Variants in EXOC6B observed in about 807,000 individuals in gnomAD.
EXOC6B encodes the protein exocyst complex component 6B, also known as SEC15 homolog B.
In EXOC6B, 54 loss-of-function variants were observed where a neutral mutation model predicts 113.5. That is an observed-to-expected ratio of 0.48 (90% CI 0.38 to 0.60). The LOEUF (loss-of-function observed/expected upper bound fraction) is 0.60, where lower values mean the gene tolerates loss of function less well. EXOC6B is among the 20% of genes least tolerant of loss of function. The probability of loss-of-function intolerance (pLI) is 0.00; values close to 1 mark genes in which losing one functional copy is unlikely to be tolerated. For synonymous variants in EXOC6B, 357 were observed against 339.0 expected (o/e 1.05, Z -0.58); for missense variants, 797 against 977.5 (o/e 0.82, Z 2.46).
At chr2:72,671,903 G>A (rs1473460689) in intron 6 of EXOC6B, among the ~76,000 whole-genome samples, 1 of 147,080 alleles carries the variant, frequency 6.8e-6, no homozygotes, top group East Asian at 2.0e-4. Context: ...AAAAGAAAGA[G>A]AAAGAAAGAA....
intron 6 of EXOC6B, among the ~76,000 whole-genome samples, chr2:72,684,775 T>G (rs77550933): frequency 0.049 from 7,431 of 152,056 alleles, 602 homozygotes; most frequent in African/African-American, 0.17. Context: ...TAATCTATAG[T>G]GGAAAAAATC....
intron 6 of EXOC6B, among the ~76,000 whole-genome samples, chr2:72,617,517 CTTTTTTTTTTTT>C (rs201912352): frequency 1.0e-5 from 1 of 96,954 alleles, no homozygotes. Context: ...AATCTTTTTT[CTTTTTTTTTTTT>C]TTTTTTTTTT....
At chr2:72,775,666 G>T (rs1025065801) in intron 1 of EXOC6B, among the ~76,000 whole-genome samples, 6 of 152,140 alleles carry the variant, frequency 3.9e-5, no homozygotes, top group African/African-American at 7.2e-5. Flanking sequence ...AATACCAAAA[G>T]GTTGTAACAT....
rs148446269 is a variant in EXOC6B, at chr2:72,762,627, G to A, written c.114-21158C>T. On this transcript the variant is annotated intron_variant, in intron 1 of 21. Coordinates refer to ENST00000272427, the MANE Select transcript of EXOC6B (RefSeq NM_015189.3). Reference sequence around the variant, plus strand: ...CAAAACCTTAGAAAATTTGTTGTCCGCAGACCCGCACTATAAAAACTGTTA... The same window carrying A: ...CAAAACCTTAGAAAATTTGTTGTCCACAGACCCGCACTATAAAAACTGTTA... 2.0e-4 allele frequency among the ~76,000 whole-genome samples: 31 copies of A among 151,976 alleles called. No homozygotes were observed. The East Asian group carries it at 4.8e-3, about 24-fold the overall frequency.
chr2:72,695,197 GAC>G (rs1222410195), intron 6 of EXOC6B, among the ~76,000 whole-genome samples: 2 of 152,166 alleles, frequency 1.3e-5, no homozygotes, highest in Admixed American at 6.5e-5. Context: ...TAGTCACCAA[GAC>G]ACAGCTATAA....
At chr2:72,428,544 C>G (rs559755239) in intron 18 of EXOC6B, among the ~76,000 whole-genome samples, 1 of 152,310 alleles carries the variant, frequency 6.6e-6, no homozygotes, top group South Asian at 2.1e-4. Context: ...CATGCTCGCT[C>G]ATACACTCCT....
At chr2:72,773,120 CTTTTTT>C (rs1254377634) in intron 1 of EXOC6B, among the ~76,000 whole-genome samples, 1 of 94,906 alleles carries the variant, frequency 1.1e-5, no homozygotes, top group African/African-American at 4.7e-5. Flanking sequence ...CTTAGATTTT[CTTTTTT>C]TTTTTTTTTT....
chr2:72,224,372 TA>T (rs1681065408), intron 20 of EXOC6B, among the ~76,000 whole-genome samples: 2 of 152,284 alleles, frequency 1.3e-5, no homozygotes, highest in South Asian at 4.1e-4. Context: ...ATTTCACTCA[TA>T]AACATTTACC....
intron 19 of EXOC6B, among the ~76,000 whole-genome samples, chr2:72,369,202 G>A (rs1487123262): frequency 3.9e-5 from 6 of 152,254 alleles, no homozygotes; most frequent in Admixed American, 6.5e-5. Flanking sequence ...AAAATCACAA[G>A]CATTCTTATA....
At chr2:72,789,211 A>G (rs1230186641) in intron 1 of EXOC6B, among the ~76,000 whole-genome samples, 2 of 152,232 alleles carry the variant, frequency 1.3e-5, no homozygotes, top group Admixed American at 1.3e-4. Flanking sequence ...CAAAGGAACT[A>G]AGACTTTTGT....
intron 18 of EXOC6B, among the ~76,000 whole-genome samples, chr2:72,406,190 C>T (rs1693746696): frequency 6.6e-6 from 1 of 152,144 alleles, no homozygotes; most frequent in Admixed American, 6.6e-5. Flanking sequence ...CAGGAGCACC[C>T]AGATTCATAA....
intron 6 of EXOC6B, among the ~76,000 whole-genome samples, chr2:72,609,241 C>T (rs1670921806): frequency 6.6e-6 from 1 of 152,042 alleles, no homozygotes; most frequent in Middle Eastern, 3.4e-3. Flanking sequence ...GGAGAACAAA[C>T]AGCAATAGAG....
At chr2:72,794,954 A>C (rs1294041048) in intron 1 of EXOC6B, among the ~76,000 whole-genome samples, 2 of 152,238 alleles carry the variant, frequency 1.3e-5, no homozygotes, top group African/African-American at 4.8e-5. Context: ...CAAAGGCAAA[A>C]GCATGGAAGT....
chr2:72,769,932 A>G (rs1398450651), intron 1 of EXOC6B, among the ~76,000 whole-genome samples: 1 of 152,228 alleles, frequency 6.6e-6, no homozygotes, highest in Non-Finnish European at 1.5e-5. Context: ...TCTCCACAGC[A>G]ACATTGAACA....
At chr2:72,641,792 T>A (rs1673262609) in intron 6 of EXOC6B, among the ~76,000 whole-genome samples, 1 of 152,224 alleles carries the variant, frequency 6.6e-6, no homozygotes, top group Non-Finnish European at 1.5e-5. Flanking sequence ...GTAGCCTAAC[T>A]GGGAGACACC....
intron 19 of EXOC6B, among the ~76,000 whole-genome samples, chr2:72,363,419 C>G (rs1225063857): frequency 6.6e-6 from 1 of 152,066 alleles, no homozygotes; most frequent in Non-Finnish European, 1.5e-5. Flanking sequence ...CTGGATCATA[C>G]TTTTCAGGAC....
chr2:72,555,440 T>C (rs1703483871), intron 8 of EXOC6B, among the ~76,000 whole-genome samples: 2 of 152,176 alleles, frequency 1.3e-5, no homozygotes, highest in African/African-American at 2.4e-5. Flanking sequence ...TTTTTAATGA[T>C]CACCATTCTA....
chr2:72,694,589 G>A (rs1397459817), intron 6 of EXOC6B, among the ~76,000 whole-genome samples: 1 of 152,174 alleles, frequency 6.6e-6, no homozygotes, highest in African/African-American at 2.4e-5. Context: ...TGGGAATGGA[G>A]CACTGACATG....
chr2:72,721,364 TAAAAAAA>T (rs11408155), intron 5 of EXOC6B, among the ~76,000 whole-genome samples: 2 of 28,502 alleles, frequency 7.0e-5, no homozygotes, highest in Non-Finnish European at 1.2e-4. Context: ...GTTGTTTTTG[TAAAAAAA>T]AAAAAAAAAA....
Sources: allele counts gnomAD v4.1 joint callset (sites outside exome capture counted in the v4.1 genomes callset), GRCh38; gene constraint gnomAD v4.1.1; transcripts MANE v1.5; gene names NCBI Gene and HGNC (gene_info 2026-07-23, HGNC 2026-07-21).